The following ZNF568 variants were observed in gnomAD, a reference collection of about 807,000 sequenced individuals.
ZNF568 encodes the protein p53 inhibitor of SCO2 activation.
Under a neutral mutation model 18.1 loss-of-function variants are expected in ZNF568, and 11 were observed. The ratio of observed to expected loss-of-function variants is 0.61; its 90% CI spans 0.38 to 1.00. The LOEUF is 1.00. Ranked by LOEUF, ZNF568 falls within the 50% of genes least tolerant of loss-of-function variation. ZNF568 has a pLI of 0.01. For missense variants in ZNF568, 639 were observed against 768.2 expected, an observed-to-expected ratio of 0.83 and a Z score of 1.99; for synonymous variants, 213 against 246.6, an observed-to-expected ratio of 0.86 and a Z score of 1.28.
At position 36,920,933 on chromosome 19, in the gene ZNF568, C is replaced by T. The variant is rs956289255; in HGVS notation, c.-185-1653C>T. On this transcript the variant is annotated intron_variant, in intron 2 of 6. Transcript: ENST00000333987. ...GTATGTTTAGATATACAAACACCTA[C>T]CTTTGTATTGCAGTTGTCTACAGTA... Among the ~76,000 whole-genome samples the T allele has an allele frequency of 5.2e-4, 79 of 151,544 alleles. 1 individual carries two copies. Among genetic ancestry groups the T allele is most frequent in the Non-Finnish European group, 1.0e-4 (7 of 67,980 alleles).
At chr19:36,966,618 C>T (rs1259096948) in intron 6 of ZNF568, among the ~76,000 whole-genome samples, 2 of 152,156 alleles carry the variant, frequency 1.3e-5, no homozygotes, top group African/African-American at 4.8e-5. Flanking sequence ...AAGCATTTCT[C>T]CTTTACAGTG....
intron 6 of ZNF568, among the ~76,000 whole-genome samples, chr19:36,942,310 G>A (rs2073893074): frequency 1.3e-5 from 2 of 151,412 alleles, no homozygotes; most frequent in South Asian, 4.2e-4. Context: ...AGAATAGAGA[G>A]ATAAAGGAGC....
At chr19:36,990,036 A>G (rs1378122856) in intron 2 of ZNF568, among the ~76,000 whole-genome samples, 1 of 152,176 alleles carries the variant, frequency 6.6e-6, no homozygotes, top group African/African-American at 2.4e-5. Context: ...ATGTTGATTT[A>G]TTGTGTTGCA....
chr19:36,976,106 A>T (rs2074282954), intron 7 of ZNF568, among the ~76,000 whole-genome samples: 1 of 152,204 alleles, frequency 6.6e-6, no homozygotes, highest in Non-Finnish European at 1.5e-5. Flanking sequence ...CAATTTTTGC[A>T]AAAGTTTCAA....
exon 5 of ZNF568, chr19:36,997,052 A>G (rs1000418518): frequency 1.9e-6 from 3 of 1,566,056 alleles, no homozygotes; most frequent in Admixed American, 1.9e-5. Context: ...CATAAATGTA[A>G]GGAATGTGGA....
intron 4 of ZNF568, among the ~76,000 whole-genome samples, chr19:36,934,512 G>A (rs1487445867): frequency 1.3e-5 from 2 of 151,802 alleles, no homozygotes; most frequent in African/African-American, 2.4e-5. Context: ...TGTAGAGATG[G>A]GGTTTTACCA....
intron 6 of ZNF568, among the ~76,000 whole-genome samples, chr19:36,959,822 G>A (rs2074134544): frequency 1.3e-5 from 2 of 152,022 alleles, no homozygotes; most frequent in African/African-American, 4.8e-5. Context: ...ACACTCTCTT[G>A]TATTTCTGTA....
At chr19:36,976,843 G>A (rs896602752) in intron 7 of ZNF568, among the ~76,000 whole-genome samples, 1 of 152,126 alleles carries the variant, frequency 6.6e-6, no homozygotes, top group African/African-American at 2.4e-5. Flanking sequence ...CTGGGAGGTA[G>A]AGGTTGTGGT....
intron 6 of ZNF568, among the ~76,000 whole-genome samples, chr19:36,971,194 C>T (rs1006246156): frequency 1.3e-5 from 2 of 151,540 alleles, no homozygotes; most frequent in African/African-American, 2.4e-5. Context: ...GACGGCATCA[C>T]TGCACACCAG....
rs2073480428 is a variant in ZNF568 at position 36,922,807 on chromosome 19, G to A, written c.37G>A (p.Val13Met). 6.2e-7 allele frequency: 1 copy of A among 1,614,118 alleles called. No individual in the cohort carries two copies. The highest frequency in any genetic ancestry group is 8.5e-7 in the Non-Finnish European group (1 of 1,180,010). Residue 13 changes from valine to methionine, a missense_variant, in exon 3 of 7, where the codon GTG (valine) becomes ATG (methionine). By Grantham distance (21) the Val-to-Met change is conservative. Transcript: ENST00000333987. ...ATCTTCAGTGATCAGCAATAGCTGT[G>A]TGACAATGGAGCGTTTGAGCCACAT... ...SQSSVISNSC[V>M]TMERLSHMME...
rs1320024678 is a variant in ZNF568 at position 36,925,220 on chromosome 19, G to T, written c.97G>T (p.Ala33Ser). 3.7e-6 allele frequency: 6 copies of T among 1,614,036 alleles called. No individual in the cohort carries two copies. Reference sequence around the variant, plus strand: ...CTCAGCTTGGTGTTCTCAAGAGTCTGCCCTTTCCGAGGAAGAAGAGGATAC... The same window carrying T: ...CTCAGCTTGGTGTTCTCAAGAGTCTTCCCTTTCCGAGGAAGAAGAGGATAC... Reference protein sequence around the residue: ...ERKAWCSQESALSEEEEDTTR... With the variant: ...ERKAWCSQESSLSEEEEDTTR... The change falls in exon 4 of 7, where the codon GCC becomes TCC. Residue 33 changes from alanine (A) to serine (S), a missense_variant. By Grantham distance (99) the Ala-to-Ser change is moderately conservative. Transcript: ENST00000333987.
downstream of ZNF568, among the ~76,000 whole-genome samples, chr19:36,983,404 A>G (rs868328650): frequency 2.8e-5 from 4 of 144,824 alleles, no homozygotes; most frequent in Non-Finnish European, 5.9e-5. Context: ...GCCATTTACT[A>G]CCCGCATCCT....
chr19:36,957,508 A>G (rs2074117120), downstream of ZNF568, among the ~76,000 whole-genome samples: 1 of 152,168 alleles, frequency 6.6e-6, no homozygotes, highest in Non-Finnish European at 1.5e-5. Context: ...GATTACAGGC[A>G]TAAGCCCACA....
chr19:36,979,757 A>C (rs2074316294), exon 8 of ZNF568: 1 of 152,184 alleles, frequency 6.6e-6, no homozygotes, highest in African/African-American at 2.4e-5. Flanking sequence ...TAACTAAAAA[A>C]GGAATTGCTA....
At chr19:36,945,968 G>T (rs917294478) in intron 6 of ZNF568, among the ~76,000 whole-genome samples, 2 of 151,848 alleles carry the variant, frequency 1.3e-5, no homozygotes, top group Non-Finnish European at 2.9e-5. Flanking sequence ...GGTGGTGTGC[G>T]CCTGTAGTTC....
intron 2 of ZNF568, among the ~76,000 whole-genome samples, chr19:36,985,470 T>C (rs2146344429): frequency 6.6e-6 from 1 of 152,220 alleles, no homozygotes; most frequent in Non-Finnish European, 1.5e-5. Flanking sequence ...CCTGACTCTT[T>C]GTTCATGGAA....
chr19:36,920,879 T>C (rs1386945934), intron 2 of ZNF568, among the ~76,000 whole-genome samples: 1 of 152,178 alleles, frequency 6.6e-6, no homozygotes, highest in Non-Finnish European at 1.5e-5. Flanking sequence ...TTTTATATTA[T>C]ATTTTTACCA....
chr19:36,987,067 A>G (rs1292740423), intron 2 of ZNF568, among the ~76,000 whole-genome samples: 1 of 152,226 alleles, frequency 6.6e-6, no homozygotes, highest in Non-Finnish European at 1.5e-5. Flanking sequence ...GTTAGGATTC[A>G]TGACCTTCTC....
intron 4 of ZNF568, among the ~76,000 whole-genome samples, chr19:36,994,506 A>G (rs2074452932): frequency 6.6e-6 from 1 of 152,170 alleles, no homozygotes; most frequent in African/African-American, 2.4e-5. Flanking sequence ...AAAGTAAAGT[A>G]TTGAAGTCTT....
Sources: gnomAD v4.1 joint callset for allele counts (sites outside exome capture counted in the v4.1 genomes callset) on GRCh38, gnomAD v4.1.1 for gene constraint, MANE v1.5 for transcripts, NCBI Gene and HGNC (gene_info 2026-07-23, HGNC 2026-07-21) for gene names.